The following DMXL1 variants were observed in gnomAD, a reference collection of about 807,000 sequenced individuals.
The protein encoded by DMXL1 is Dmx like 1, also known as dmX-like protein 1.
A neutral mutation model predicts 319.2 loss-of-function variants in DMXL1; 99 were observed. The ratio of observed to expected loss-of-function variants is 0.31; its 90% confidence interval spans 0.26 to 0.37. The LOEUF (loss-of-function observed/expected upper bound fraction) is 0.37. Among genes scored for constraint, DMXL1 ranks in the 10% least tolerant of loss-of-function variants. The probability of loss-of-function intolerance (pLI) is 1.00; values close to 1 mark genes in which losing one functional copy is unlikely to be tolerated. For synonymous variants in DMXL1, 1,385 were observed against 1,235.2 expected (o/e 1.12, Z -2.54); for missense variants, 3,745 against 3,595.6 (o/e 1.04, Z -1.06).
intron 37 of DMXL1, among the ~76,000 whole-genome samples, chr5:119,221,773 G>A (rs148971220): frequency 7.4e-6 from 1 of 134,984 alleles, no homozygotes; most frequent in African/African-American, 2.7e-5. Context: ...TAAATGCCAG[G>A]ACAAATATTC....
intron 6 of DMXL1, among the ~76,000 whole-genome samples, chr5:119,115,887 C>T (rs572431124): frequency 6.6e-6 from 1 of 152,210 alleles, no homozygotes; most frequent in South Asian, 2.1e-4. Context: ...TCAGTGTTTC[C>T]TGAATGACTC....
At chr5:119,088,424 G>T (rs879610007) in intron 1 of DMXL1, among the ~76,000 whole-genome samples, 2 of 152,004 alleles carry the variant, frequency 1.3e-5, no homozygotes, top group Non-Finnish European at 2.9e-5. Flanking sequence ...CCTTCTAATG[G>T]GAGAATAAAG....
chr5:119,129,653 T>G (rs1217643372), intron 10 of DMXL1, among the ~76,000 whole-genome samples: 2 of 152,202 alleles, frequency 1.3e-5, no homozygotes, highest in Non-Finnish European at 2.9e-5. Flanking sequence ...TGTTAGCCCT[T>G]AGGACTTTCC....
At chr5:119,074,699 C>G (rs1482063539) in intron 1 of DMXL1, among the ~76,000 whole-genome samples, 1 of 152,234 alleles carries the variant, frequency 6.6e-6, no homozygotes, top group Non-Finnish European at 1.5e-5. Flanking sequence ...TGGGCAATGA[C>G]CATCTCTCCT....
intron 4 of DMXL1, among the ~76,000 whole-genome samples, chr5:119,109,902 G>A (rs1402718416): frequency 6.6e-6 from 1 of 152,110 alleles, no homozygotes; most frequent in African/African-American, 2.4e-5. Context: ...TATTTCCAAT[G>A]TCTAGCACAG....
At chr5:119,173,803 G>T (rs1323077718) in intron 25 of DMXL1, among the ~76,000 whole-genome samples, 199 of 57,058 alleles carry the variant, frequency 3.5e-3, no homozygotes, top group East Asian at 0.019. Flanking sequence ...TATATAATGA[G>T]AGAGAGATTT....
chr5:119,134,148 C>T lies in DMXL1; in HGVS notation c.2224C>T (p.Leu742=), dbSNP rs1172248828. ...TTCTGCCTTTTCCAATGTGGCATGGCTGCCCACTCTTATACCCAGTTATTG... is the reference window on the plus strand; with the variant it reads ...TTCTGCCTTTTCCAATGTGGCATGGTTGCCCACTCTTATACCCAGTTATTG... ...HVSAFSNVAW[L]PTLIPSYCLG... The change falls in exon 12 of 44, where the codon CTG becomes TTG. Residue 742 remains leucine, a synonymous_variant. Transcript: ENST00000539542. 1.2e-6 allele frequency: 2 copies of T among 1,613,850 alleles called. No individual in the cohort carries two copies. The highest frequency in any genetic ancestry group is 1.3e-5 in the African/African-American group (1 of 74,906).
At chr5:119,208,323 C>T (rs1782117119) in intron 34 of DMXL1, among the ~76,000 whole-genome samples, 1 of 151,706 alleles carries the variant, frequency 6.6e-6, no homozygotes, top group South Asian at 2.1e-4. Context: ...AAGCGATTCT[C>T]CTGCCTCAGC....
rs17145018 is a variant in DMXL1, at chr5:119,238,616, T to C, written c.8560-373T>C. Among the ~76,000 whole-genome samples, 605 of 152,318 alleles carry C rather than the reference T, an allele frequency of 4.0e-3. 10 individuals carry two copies. Among genetic ancestry groups the C allele is most frequent in the South Asian group, 0.027 (129 of 4,830 alleles). Reference sequence around the variant, plus strand: ...TTTCACTATGCTAGGAGAAGGTCTTTAAGTTTAACCTCATGTTTTCCTTTG... The same window carrying C: ...TTTCACTATGCTAGGAGAAGGTCTTCAAGTTTAACCTCATGTTTTCCTTTG... On this transcript the variant is annotated intron_variant, in intron 40 of 43. Transcript: ENST00000539542.
At chr5:119,241,569 C>G (rs1045358617) in intron 42 of DMXL1, among the ~76,000 whole-genome samples, 2 of 150,628 alleles carry the variant, frequency 1.3e-5, no homozygotes, top group African/African-American at 4.9e-5. Flanking sequence ...AATTATCTGT[C>G]TGAAATGGCA....
Position 119,165,299 on chromosome 5 carries a change from A to AT in DMXL1, c.4970+19_4970+20insT. On this transcript the variant is annotated intron_variant, in intron 21 of 43. Coordinates refer to ENST00000539542, the MANE Select transcript of DMXL1 (RefSeq NM_001290321.3). ...TATATAGGTAGGTAAAAAAAAAAAA[A>AT]AAAAAGGGTGCTTCAATGTGAAAAC... The AT allele has an allele frequency of 1.5e-6, 2 of 1,376,498 alleles. No individual in the cohort carries two copies. Among genetic ancestry groups the AT allele is most frequent in the Non-Finnish European group, 2.0e-6 (2 of 993,796 alleles). 85.3% of individuals were successfully genotyped at this position (1,376,498 alleles called of 1,614,324 possible).
At chr5:119,094,484 A>T (rs76233955) in intron 1 of DMXL1, among the ~76,000 whole-genome samples, 3,580 of 152,314 alleles carry the variant, frequency 0.024, 124 homozygotes, top group African/African-American at 0.081. Context: ...ATTGACAATG[A>T]CCTGTGCTCT....
intron 32 of DMXL1, among the ~76,000 whole-genome samples, chr5:119,198,764 G>A (rs192906849): frequency 6.6e-6 from 1 of 152,270 alleles, no homozygotes; most frequent in East Asian, 1.9e-4. Context: ...CATGGTACTG[G>A]TACAAAAATA....
At chr5:119,071,764 G>C (rs1232434847) in intron 1 of DMXL1, 108 bp downstream of exon 1, 11 of 1,034,442 alleles carry the variant, frequency 1.1e-5, no homozygotes, top group Admixed American at 2.9e-5. Context: ...TGTCTCCCCA[G>C]GGGGGTCCTT....
At position 119,203,240 on chromosome 5, in the gene DMXL1, A is replaced by G. The variant is rs181535997; in HGVS notation, c.7746-79A>G. On this transcript the variant is annotated intron_variant, in intron 32 of 43. Coordinates refer to ENST00000539542, the MANE Select transcript of DMXL1 (RefSeq NM_001290321.3). Reference sequence around the variant, plus strand: ...GATTGCAGTTAATTTATTATAATTTATATGGCACCAAGGAATTGTTATCAA... The same window carrying G: ...GATTGCAGTTAATTTATTATAATTTGTATGGCACCAAGGAATTGTTATCAA... 417 of 888,936 alleles carry G rather than the reference A, an allele frequency of 4.7e-4. 5 individuals carry two copies. The African/African-American group carries it at 6.7e-3, about 14-fold the overall frequency. 55.1% of individuals were successfully genotyped at this position (888,936 alleles called of 1,614,324 possible). A position where few individuals can be genotyped will look rare whatever the true frequency, so the allele number is the denominator to read the frequency against.
Position 119,077,634 on chromosome 5 carries a change from CTTT to C in DMXL1, c.87+5993_87+5995del, listed in dbSNP as rs1051388359. ...CACAGACACGTGCCACCATTCCTGGCTTTTTTTTTTTTTTTTTGTATATGTGTG... is the reference window on the plus strand; with the variant it reads ...CACAGACACGTGCCACCATTCCTGGCTTTTTTTTTTTTTTGTATATGTGTG... On this transcript the variant is annotated intron_variant, in intron 1 of 43. Coordinates refer to ENST00000539542, the MANE Select transcript of DMXL1 (RefSeq NM_001290321.3). Among the ~76,000 whole-genome samples the C allele has an allele frequency of 5.5e-4, 39 of 70,712 alleles. 1 individual carries two copies. The highest frequency in any genetic ancestry group is 1.8e-3 in the African/African-American group (35 of 19,284). The allele number at this position is 70,712 out of a possible 152,430, so 46.4% of individuals were successfully genotyped here. A position where few individuals can be genotyped will look rare whatever the true frequency, so the allele number is the denominator to read the frequency against.
intron 9 of DMXL1, among the ~76,000 whole-genome samples, chr5:119,125,562 A>T (rs1174638309): frequency 2.6e-5 from 4 of 152,002 alleles, no homozygotes; most frequent in African/African-American, 9.7e-5. Flanking sequence ...ATATGTAATT[A>T]TTATTATTGT....
rs1749474758 is a variant in DMXL1, at chr5:119,071,296, G to A, written c.-274G>A. 2 of 459,864 alleles carry A rather than the reference G, an allele frequency of 4.3e-6. No homozygotes were observed. The highest frequency in any genetic ancestry group is 9.2e-5 in the East Asian group (2 of 21,700). 28.5% of individuals were successfully genotyped at this position (459,864 alleles called of 1,614,324 possible). A position where few individuals can be genotyped will look rare whatever the true frequency, so the allele number is the denominator to read the frequency against. On this transcript the variant is annotated 5_prime_UTR_variant, in exon 1 of 44. Coordinates refer to ENST00000539542, the MANE Select transcript of DMXL1 (RefSeq NM_001290321.3). Reference sequence around the variant, plus strand: ...GGGTCGTGGCCGGTGAGGGGACCCTGAGCTTCACCTGGGCTAGCGCGGGGA... The same window carrying A: ...GGGTCGTGGCCGGTGAGGGGACCCTAAGCTTCACCTGGGCTAGCGCGGGGA...
At chr5:119,113,443 A>C (rs1272243046) in intron 5 of DMXL1, among the ~76,000 whole-genome samples, 2 of 152,144 alleles carry the variant, frequency 1.3e-5, no homozygotes, top group African/African-American at 2.4e-5. Flanking sequence ...GGGTTTCATC[A>C]TGTTGGCCAG....
Sources: allele counts gnomAD v4.1 joint callset (sites outside exome capture counted in the v4.1 genomes callset), GRCh38; gene constraint gnomAD v4.1.1; transcripts MANE v1.5; gene names NCBI Gene and HGNC (gene_info 2026-07-23, HGNC 2026-07-21).